The following ITGA1 variants were observed in gnomAD, a reference collection of about 807,000 sequenced individuals.
ITGA1 encodes the protein integrin alpha-1.
In ITGA1, 85 loss-of-function variants were observed where a neutral mutation model predicts 145.9. That is an observed-to-expected ratio of 0.58 (90% CI 0.49 to 0.70). ITGA1 has a LOEUF of 0.70. Ranked by LOEUF, ITGA1 falls within the 30% of genes least tolerant of loss-of-function variation. The pLI, the probability that ITGA1 is intolerant of heterozygous loss-of-function variation, is 0.00. For missense variants in ITGA1, 1,351 were observed against 1,418.7 expected (o/e 0.95, Z 0.77); for synonymous variants, 520 against 495.3 (o/e 1.05, Z -0.66).
intron 7 of ITGA1, among the ~76,000 whole-genome samples, chr5:52,884,538 C>G (rs1256714889): frequency 6.6e-6 from 1 of 151,324 alleles, no homozygotes; most frequent in Non-Finnish European, 1.5e-5. Flanking sequence ...AGACATCACT[C>G]AAGAGGAACC....
At chr5:52,792,643 C>A (rs1047865390) in intron 1 of ITGA1, among the ~76,000 whole-genome samples, 1 of 152,106 alleles carries the variant, frequency 6.6e-6, no homozygotes, top group African/African-American at 2.4e-5. Flanking sequence ...AGATTTAGAA[C>A]TTGCTGAATT....
At chr5:52,910,073 T>G in intron 13 of ITGA1, 89 bp from the exon 14 acceptor site, 1 of 1,259,522 alleles carries the variant, frequency 7.9e-7, no homozygotes, top group Non-Finnish European at 1.1e-6. Context: ...AAATGGCTGT[T>G]AATAGCACTG....
chr5:52,836,870 T>A (rs1749170086), intron 1 of ITGA1, among the ~76,000 whole-genome samples: 1 of 152,106 alleles, frequency 6.6e-6, no homozygotes, highest in Non-Finnish European at 1.5e-5. Flanking sequence ...AGAAGTATCC[T>A]GTTACTACGT....
chr5:52,888,003 T>C (rs765427409), intron 8 of ITGA1, 38 bp downstream of exon 8: 5 of 1,592,868 alleles, frequency 3.1e-6, no homozygotes, highest in African/African-American at 2.7e-5. Flanking sequence ...AACTCTTAGG[T>C]GTAGAGAAGA....
chr5:52,886,675 A>T (rs1274412524), intron 7 of ITGA1, among the ~76,000 whole-genome samples: 1 of 152,232 alleles, frequency 6.6e-6, no homozygotes, highest in African/African-American at 2.4e-5. Context: ...AAGTGTGTGT[A>T]TATATTTATA....
At chr5:52,952,276 A>T in intron 28 of ITGA1, 131 bp from the exon 29 acceptor site, 2 of 460,530 alleles carry the variant, frequency 4.3e-6, no homozygotes, top group Non-Finnish European at 8.0e-6. Context: ...ATGAGAAAAT[A>T]TTTCTTAATT....
At chr5:52,865,284 C>G (rs1385825083) in intron 5 of ITGA1, among the ~76,000 whole-genome samples, 1 of 152,152 alleles carries the variant, frequency 6.6e-6, no homozygotes, top group Non-Finnish European at 1.5e-5. Flanking sequence ...AATAACTTTA[C>G]AAAGTCATTT....
rs919784672 is a variant in ITGA1, at chr5:52,805,614, TA to T, written c.61+17209del. Among the ~76,000 whole-genome samples, 3 of 151,264 alleles carry T rather than the reference TA, an allele frequency of 2.0e-5. No individual in the cohort carries two copies. In the South Asian group the frequency reaches 6.3e-4, roughly 32 times the overall value. On this transcript the variant is annotated intron_variant, in intron 1 of 28. Coordinates refer to ENST00000282588, the MANE Select transcript of ITGA1 (RefSeq NM_181501.2). Reference sequence around the variant, plus strand: ...AAAATGTAACTTTAAAAATGGTAATTAAAAAAAAATGTTTTATGCAGTGGTG... The same window carrying T: ...AAAATGTAACTTTAAAAATGGTAATTAAAAAAAATGTTTTATGCAGTGGTG...
intron 1 of ITGA1, among the ~76,000 whole-genome samples, chr5:52,792,323 A>G (rs1051610102): frequency 6.6e-5 from 10 of 152,188 alleles, no homozygotes; most frequent in South Asian, 2.1e-4. Flanking sequence ...ATGACTCCCA[A>G]TGGCAGACAA....
chr5:52,882,863 C>T (rs1456064166), intron 7 of ITGA1: 1 of 152,218 alleles, frequency 6.6e-6, no homozygotes, highest in Non-Finnish European at 1.5e-5. Context: ...TCTTCAACTT[C>T]TGAACTCTTG....
rs146001369 is a variant in ITGA1, at chr5:52,865,055, G to T, written c.469G>T (p.Val157Phe). 1.2e-6 allele frequency: 2 copies of T among 1,613,434 alleles called. No individual in the cohort carries two copies. The highest frequency in any genetic ancestry group is 2.7e-5 in the African/African-American group (2 of 74,888). ...TTCTGACGTCAGCCCCACATTTCAAGTCGTGAATTCCATTGCCCCTGTACA... is the reference window on the plus strand; with the variant it reads ...TTCTGACGTCAGCCCCACATTTCAATTCGTGAATTCCATTGCCCCTGTACA... ...ICSDVSPTFQ[V>F]VNSIAPVQEC... Residue 157 changes from valine to phenylalanine, a missense_variant, in exon 5 of 29, where the codon GTC (valine) becomes TTC (phenylalanine). Transcript: ENST00000282588.
chr5:52,878,334 A>C (rs780211660), intron 6 of ITGA1, among the ~76,000 whole-genome samples: 6 of 152,210 alleles, frequency 3.9e-5, no homozygotes, highest in Non-Finnish European at 7.3e-5. Context: ...AAGCTTTTAG[A>C]AGCCAGGCAC....
intron 1 of ITGA1, among the ~76,000 whole-genome samples, chr5:52,825,931 A>AAT (rs1748954095): frequency 6.6e-6 from 1 of 152,048 alleles, no homozygotes; most frequent in African/African-American, 2.4e-5. Flanking sequence ...AAAAAAAAAA[A>AAT]AAAAGGAAAG....
intron 10 of ITGA1, among the ~76,000 whole-genome samples, chr5:52,897,893 C>T (rs1251045729): frequency 6.6e-6 from 1 of 152,024 alleles, no homozygotes; most frequent in African/African-American, 2.4e-5. Context: ...ATGTTCAAGA[C>T]CTAGGATGCT....
intron 19 of ITGA1, 67 bp from the exon 20 acceptor site, chr5:52,927,517 C>T: frequency 8.9e-7 from 1 of 1,121,506 alleles, no homozygotes. Flanking sequence ...TGGGAAAATT[C>T]TGAAAGAACA....
rs182035404 is a variant in ITGA1 at position 52,829,681 on chromosome 5, A to G, written c.62-19684A>G. ...CAGTTCAATACTCATTTATGTAGAG[A>G]ATATCTTTCAAGACATTAAAAAGCA... On this transcript the variant is annotated intron_variant, in intron 1 of 28. Coordinates refer to ENST00000282588, the MANE Select transcript of ITGA1 (RefSeq NM_181501.2). 2.6e-3 allele frequency among the ~76,000 whole-genome samples: 397 copies of G among 152,210 alleles called. 1 individual carries two copies. Among genetic ancestry groups the G allele is most frequent in the Middle Eastern group, 0.017 (5 of 294 alleles).
chr5:52,840,468 C>T (rs1749236844), intron 1 of ITGA1, among the ~76,000 whole-genome samples: 1 of 152,140 alleles, frequency 6.6e-6, no homozygotes, highest in Non-Finnish European at 1.5e-5. Context: ...CCAGGGACCC[C>T]TGAGGTTCTG....
At chr5:52,905,711 C>T (rs1055825600) in intron 11 of ITGA1, 52 bp from the exon 12 acceptor site, 4 of 1,465,844 alleles carry the variant, frequency 2.7e-6, no homozygotes, top group Non-Finnish European at 3.7e-6. Context: ...TAATTTATTA[C>T]ATGAAGCCTT....
chr5:52,896,453 T>C (rs1000646703), intron 9 of ITGA1, among the ~76,000 whole-genome samples: 4 of 152,194 alleles, frequency 2.6e-5, no homozygotes, highest in African/African-American at 9.6e-5. Flanking sequence ...AATGATATAT[T>C]TGAATTCTTC....
Sources: allele counts gnomAD v4.1 joint callset (sites outside exome capture counted in the v4.1 genomes callset), GRCh38; gene constraint gnomAD v4.1.1; transcripts MANE v1.5; gene names NCBI Gene and HGNC (gene_info 2026-07-23, HGNC 2026-07-21).